Variants in ARFGEF3 observed in about 807,000 individuals in gnomAD.
ARFGEF3 encodes the protein ARFGEF family member 3, also known as brefeldin A-inhibited guanine nucleotide-exchange protein 3.
A neutral mutation model predicts 221.7 loss-of-function variants in ARFGEF3; 96 were observed. The ratio of observed to expected loss-of-function variants is 0.43; its 90% CI spans 0.37 to 0.51. The LOEUF (loss-of-function observed/expected upper bound fraction) is 0.51. Ranked by LOEUF, ARFGEF3 falls within the 20% of genes least tolerant of loss-of-function variation. The probability of loss-of-function intolerance (pLI) is 0.00; values close to 1 mark genes in which losing one functional copy is unlikely to be tolerated. For synonymous variants in ARFGEF3, 1,145 were observed against 1,126.8 expected (o/e 1.02, Z -0.32); for missense variants, 2,410 against 2,789.9 (o/e 0.86, Z 3.07).
At chr6:138,183,661 C>A (rs571314848) in intron 2 of ARFGEF3, among the ~76,000 whole-genome samples, 1 of 152,280 alleles carries the variant, frequency 6.6e-6, no homozygotes. Flanking sequence ...CACAAGCTCT[C>A]TTCTCTCAAA....
intron 2 of ARFGEF3, among the ~76,000 whole-genome samples, chr6:138,187,757 T>G (rs1777214623): frequency 6.6e-6 from 1 of 152,212 alleles, no homozygotes; most frequent in Admixed American, 6.5e-5. Context: ...CCTTGGTGCT[T>G]TCCCACATAT....
chr6:138,251,555 C>A (rs1778583312), intron 8 of ARFGEF3, among the ~76,000 whole-genome samples: 1 of 152,144 alleles, frequency 6.6e-6, no homozygotes, highest in Non-Finnish European at 1.5e-5. Flanking sequence ...CTTTTACCTC[C>A]AGATAAAGTT....
intron 1 of ARFGEF3, among the ~76,000 whole-genome samples, chr6:138,165,848 A>T (rs977925039): frequency 6.6e-6 from 1 of 152,328 alleles, no homozygotes; most frequent in East Asian, 1.9e-4. Flanking sequence ...TATTTAGACC[A>T]TATCAAGAAA....
chr6:138,263,149 G>A lies in ARFGEF3; in HGVS notation c.1666G>A (p.Ala556Thr). The part of the protein sequence containing the change: ...ETLSKVLETE[A>T]VDQPDVVQRS... ...GCTGAGCAAAGTATTGGAAACAGAG[G>A]CGGTAGACCAGCCAGATGTCGTGCA... is the stretch of plus-strand genomic sequence containing the variant. Residue 556 changes from alanine to threonine, a missense_variant, in exon 12 of 34, where the codon GCG (alanine) becomes ACG (threonine). By Grantham distance (58) the Ala-to-Thr change is moderately conservative. Coordinates refer to ENST00000251691, the MANE Select transcript of ARFGEF3 (RefSeq NM_020340.5). 1.2e-6 allele frequency: 2 copies of A among 1,614,010 alleles called. No homozygotes were observed. The highest frequency in any genetic ancestry group is 8.5e-7 in the Non-Finnish European group (1 of 1,179,900).
intron 18 of ARFGEF3, among the ~76,000 whole-genome samples, chr6:138,290,278 T>G (rs1377383208): frequency 6.6e-6 from 1 of 152,194 alleles, no homozygotes; most frequent in Non-Finnish European, 1.5e-5. Flanking sequence ...GATGACTAAG[T>G]GAATACTGTG....
chr6:138,194,666 T>C (rs1054134995), intron 2 of ARFGEF3, among the ~76,000 whole-genome samples: 11 of 152,176 alleles, frequency 7.2e-5, no homozygotes, highest in Non-Finnish European at 2.9e-5. Context: ...AAGGTAACTG[T>C]ATTTTAGGAT....
chr6:138,186,686 A>C (rs184215546), intron 2 of ARFGEF3, among the ~76,000 whole-genome samples: 179 of 152,298 alleles, frequency 1.2e-3, no homozygotes, highest in African/African-American at 3.9e-3. Context: ...ACTGTCAGCC[A>C]CACATCTGAA....
intron 2 of ARFGEF3, among the ~76,000 whole-genome samples, chr6:138,191,715 A>G (rs1455981019): frequency 6.6e-6 from 1 of 152,206 alleles, no homozygotes; most frequent in Non-Finnish European, 1.5e-5. Flanking sequence ...AAAATATACA[A>G]AAATATAGCT....
chr6:138,189,023 G>A (rs1338151198), intron 2 of ARFGEF3, among the ~76,000 whole-genome samples: 1 of 152,166 alleles, frequency 6.6e-6, no homozygotes, highest in Non-Finnish European at 1.5e-5. Flanking sequence ...TGTTCTCTGC[G>A]TGATGCTTGT....
At chr6:138,289,764 C>A in intron 17 of ARFGEF3, 54 bp from the exon 18 acceptor site, 1 of 1,555,162 alleles carries the variant, frequency 6.4e-7, no homozygotes, top group Non-Finnish European at 8.8e-7. Flanking sequence ...CATTTTCATT[C>A]TTTCTGTCTC....
In ARFGEF3 at chr6:138,267,200, G is replaced by A. The variant is rs560396286; in HGVS notation, c.2128+3589G>A. Among the ~76,000 whole-genome samples, 43 of 152,236 alleles carry A rather than the reference G, an allele frequency of 2.8e-4. 1 individual carries two copies. The highest frequency in any genetic ancestry group is 9.1e-4 in the African/African-American group (38 of 41,552). On this transcript the variant is annotated intron_variant, in intron 12 of 33. Coordinates refer to ENST00000251691, the MANE Select transcript of ARFGEF3 (RefSeq NM_020340.5). Reference sequence around the variant, plus strand: ...ATTAAAATTATCCAGGAGGCAGATGGATCACTTGAGGCCAGGAGTTTGAGA... The same window carrying A: ...ATTAAAATTATCCAGGAGGCAGATGAATCACTTGAGGCCAGGAGTTTGAGA...
intron 20 of ARFGEF3, among the ~76,000 whole-genome samples, chr6:138,295,667 A>T (rs1779499311): frequency 6.6e-6 from 1 of 152,146 alleles, no homozygotes; most frequent in Non-Finnish European, 1.5e-5. Flanking sequence ...AATTGCTTTA[A>T]AAATTAAAGT....
At chr6:138,332,214 T>G (rs4140597) in intron 32 of ARFGEF3, among the ~76,000 whole-genome samples, 1 of 151,826 alleles carries the variant, frequency 6.6e-6, no homozygotes, top group Non-Finnish European at 1.5e-5. Flanking sequence ...CCTAGGGGAG[T>G]GGGGTTCAAA....
Position 138,341,343 on chromosome 6 carries a change from G to A in ARFGEF3, c.*4857G>A, listed in dbSNP as rs112045559. 2,112 of 154,952 alleles carry A rather than the reference G, an allele frequency of 0.014. 39 individuals carry two copies. Among genetic ancestry groups the A allele is most frequent in the African/African-American group, 0.041 (1,725 of 41,636 alleles). 9.6% of individuals were successfully genotyped at this position (154,952 alleles called of 1,614,324 possible). A position where few individuals can be genotyped will look rare whatever the true frequency, so the allele number is the denominator to read the frequency against. On this transcript the variant is annotated 3_prime_UTR_variant, in exon 34 of 34. Transcript: ENST00000251691. The stretch of plus-strand genomic sequence containing the variant: ...AGCTGGTTGGACAGGATTTCTTGAA[G>A]AGCCAGGTGCTAAGGGCATCAGGTC...
chr6:138,168,429 G>T (rs77005808), intron 1 of ARFGEF3, among the ~76,000 whole-genome samples: 1 of 152,218 alleles, frequency 6.6e-6, no homozygotes. Flanking sequence ...AGAGAAGTAG[G>T]AAGTGAGGAC....
chr6:138,308,231 C>A (rs557952815), intron 23 of ARFGEF3, among the ~76,000 whole-genome samples: 1 of 152,320 alleles, frequency 6.6e-6, no homozygotes, highest in East Asian at 1.9e-4. Context: ...GCACGGTGAA[C>A]TACTCTTATC....
intron 4 of ARFGEF3, chr6:138,216,273 C>G (rs565718683): frequency 6.6e-6 from 1 of 152,108 alleles, no homozygotes. Flanking sequence ...CGTGCCTGGC[C>G]GGGGTATTTT....
chr6:138,274,234 A>AT (rs144205828), intron 12 of ARFGEF3, among the ~76,000 whole-genome samples: 12 of 151,468 alleles, frequency 7.9e-5, no homozygotes, highest in East Asian at 1.9e-4. Context: ...TTACAGATTC[A>AT]TTTTTTTTTC....
At position 138,231,906 on chromosome 6, in the gene ARFGEF3, T is replaced by G. The variant is rs559654391; in HGVS notation, c.420+2054T>G. 3.3e-5 allele frequency among the ~76,000 whole-genome samples: 5 copies of G among 152,344 alleles called. No homozygotes were observed. The East Asian group carries it at 9.6e-4, about 29-fold the overall frequency. On this transcript the variant is annotated intron_variant, in intron 5 of 33. Coordinates refer to ENST00000251691, the MANE Select transcript of ARFGEF3 (RefSeq NM_020340.5). ...TTCATTTGTGTATCTAAATTTAACT[T>G]GCTTAATTAAACTGCAATAATGAAA...
Sources: gnomAD v4.1 joint callset for allele counts (sites outside exome capture counted in the v4.1 genomes callset) on GRCh38, gnomAD v4.1.1 for gene constraint, MANE v1.5 for transcripts, NCBI Gene and HGNC (gene_info 2026-07-23, HGNC 2026-07-21) for gene names.